Variants in NIPSNAP1 observed in about 807,000 individuals in gnomAD.
The protein encoded by NIPSNAP1 is nipsnap homolog 1.
In NIPSNAP1, 25 loss-of-function variants were observed where a neutral mutation model predicts 49.2. The observed-to-expected ratio is 0.51, with a 90% confidence interval of 0.37 to 0.71. NIPSNAP1 has a LOEUF of 0.71. Ranked by LOEUF, NIPSNAP1 falls within the 30% of genes least tolerant of loss-of-function variation. The pLI is 0.00. For missense variants in NIPSNAP1, 294 were observed against 361.0 expected, an observed-to-expected ratio of 0.81 and a Z score of 1.50; for synonymous variants, 143 against 140.7, an observed-to-expected ratio of 1.02 and a Z score of -0.12.
intron 9 of NIPSNAP1, 48 bp from the exon 10 acceptor site, chr22:29,556,047 A>C: frequency 1.3e-6 from 2 of 1,513,506 alleles, no homozygotes; most frequent in Non-Finnish European, 1.8e-6. Context: ...AAGCAAGCCA[A>C]CAACCTCCCC....
intron 1 of NIPSNAP1, among the ~76,000 whole-genome samples, chr22:29,574,104 T>C (rs962462592): frequency 6.7e-6 from 1 of 148,720 alleles, no homozygotes; most frequent in East Asian, 2.0e-4. Context: ...TAAAAAAAGA[T>C]ACAAAATATT....
At chr22:29,573,257 G>C (rs539060372) in intron 1 of NIPSNAP1, among the ~76,000 whole-genome samples, 1 of 151,980 alleles carries the variant, frequency 6.6e-6, no homozygotes, top group Non-Finnish European at 1.5e-5. Flanking sequence ...GGATGGTCTC[G>C]ATCTCTCGAC....
At chr22:29,580,633 T>G (rs568770010) in intron 1 of NIPSNAP1, among the ~76,000 whole-genome samples, 1 of 152,196 alleles carries the variant, frequency 6.6e-6, no homozygotes, top group East Asian at 1.9e-4. Flanking sequence ...ACGGAGGAGC[T>G]GACTACCAGA....
chr22:29,562,472 G>T (rs2064342300), intron 4 of NIPSNAP1, among the ~76,000 whole-genome samples: 1 of 152,154 alleles, frequency 6.6e-6, no homozygotes, highest in African/African-American at 2.4e-5. Flanking sequence ...CCAGCATTTT[G>T]CGGGGCTGAG....
chr22:29,567,613 G>A (rs1301344870), intron 4 of NIPSNAP1, among the ~76,000 whole-genome samples: 1 of 152,104 alleles, frequency 6.6e-6, no homozygotes, highest in Non-Finnish European at 1.5e-5. Context: ...AGCACTTTGG[G>A]AGGCCAAAGT....
In NIPSNAP1 at chr22:29,562,509, T is replaced by C. The variant is rs5763334; in HGVS notation, c.368-647A>G. 5.2e-3 allele frequency among the ~76,000 whole-genome samples: 796 copies of C among 152,136 alleles called. 27 individuals are homozygous for C. In the East Asian group the frequency reaches 0.1, roughly 19 times the overall value. On this transcript the variant is annotated intron_variant, in intron 4 of 9. Coordinates refer to ENST00000216121, the MANE Select transcript of NIPSNAP1 (RefSeq NM_003634.4). The stretch of plus-strand genomic sequence containing the variant: ...TGGGTGGAGACCAGCCTGACCAACA[T>C]GGAAAAACCCCATCTCTACTAAAAA...
chr22:29,560,453 G>T (rs1477868836), intron 8 of NIPSNAP1, among the ~76,000 whole-genome samples: 5 of 152,004 alleles, frequency 3.3e-5, no homozygotes, highest in African/African-American at 4.8e-5. Flanking sequence ...TCACCATATT[G>T]GCCAGGATGG....
At chr22:29,580,379 C>G (rs907911501) in intron 1 of NIPSNAP1, 1 of 607,820 alleles carries the variant, frequency 1.6e-6, no homozygotes, top group African/African-American at 2.0e-5. Flanking sequence ...CCCAGCCAGA[C>G]TCCCACTCCC....
intron 1 of NIPSNAP1, among the ~76,000 whole-genome samples, chr22:29,576,208 C>CG (rs1395173438): frequency 6.7e-6 from 1 of 148,806 alleles, no homozygotes; most frequent in Admixed American, 6.7e-5. Context: ...TTAGTAGAGA[C>CG]GGGGTTTCAC....
chr22:29,555,784 T>G lies in NIPSNAP1; in HGVS notation c.*151A>C. 1 of 734,194 alleles carries G rather than the reference T, an allele frequency of 1.4e-6. No homozygotes were observed. The highest frequency in any genetic ancestry group is 2.5e-6 in the Non-Finnish European group (1 of 407,268). The allele number at this position is 734,194 out of a possible 1,614,324, so 45.5% of individuals were successfully genotyped here. Reference sequence around the variant, plus strand: ...GCAGAGCTGTAATCCTCAGAACTTGTCAGCCTTCAGTTCCCCCTTGTCTGA... The same window carrying G: ...GCAGAGCTGTAATCCTCAGAACTTGGCAGCCTTCAGTTCCCCCTTGTCTGA... On this transcript the variant is annotated 3_prime_UTR_variant, in exon 10 of 10. Coordinates refer to ENST00000216121, the MANE Select transcript of NIPSNAP1 (RefSeq NM_003634.4).
At chr22:29,557,995 G>A (rs1360688049) in intron 9 of NIPSNAP1, among the ~76,000 whole-genome samples, 1 of 152,190 alleles carries the variant, frequency 6.6e-6, no homozygotes, top group Non-Finnish European at 1.5e-5. Flanking sequence ...GGGCACAGTA[G>A]CTCATGCCTA....
intron 1 of NIPSNAP1, among the ~76,000 whole-genome samples, chr22:29,571,277 C>CAGT: frequency 6.6e-6 from 1 of 152,284 alleles, no homozygotes; most frequent in East Asian, 1.9e-4. Context: ...AGACTCTCTA[C>CAGT]AGAGGAGGAG....
chr22:29,579,397 C>T (rs891002742), intron 1 of NIPSNAP1, among the ~76,000 whole-genome samples: 2 of 150,274 alleles, frequency 1.3e-5, no homozygotes, highest in Non-Finnish European at 2.9e-5. Context: ...CCTGGGTTCA[C>T]GCCATTCTCC....
chr22:29,561,709 C>T, intron 5 of NIPSNAP1, 63 bp from the exon 6 acceptor site: 1 of 1,613,984 alleles, frequency 6.2e-7, no homozygotes, highest in South Asian at 1.1e-5. Flanking sequence ...CAGTGTGCCT[C>T]ATGGGGTAGC....
intron 1 of NIPSNAP1, among the ~76,000 whole-genome samples, chr22:29,572,387 C>T (rs942253198): frequency 2.0e-5 from 3 of 150,698 alleles, no homozygotes; most frequent in Admixed American, 6.6e-5. Flanking sequence ...GCCATTGGGA[C>T]GGATAAAATC....
intron 9 of NIPSNAP1, among the ~76,000 whole-genome samples, chr22:29,556,532 A>C (rs1021795272): frequency 1.3e-5 from 2 of 152,050 alleles, no homozygotes; most frequent in Admixed American, 6.6e-5. Context: ...CTCAAAAAAA[A>C]AGAAAAGAAA....
chr22:29,562,797 T>A (rs1396108127), intron 4 of NIPSNAP1, among the ~76,000 whole-genome samples: 1 of 151,614 alleles, frequency 6.6e-6, no homozygotes, highest in Non-Finnish European at 1.5e-5. Context: ...CTTTGTACTG[T>A]TAGAATTTAT....
At chr22:29,558,355 G>A (rs2064310321) in intron 9 of NIPSNAP1, among the ~76,000 whole-genome samples, 1 of 152,098 alleles carries the variant, frequency 6.6e-6, no homozygotes, top group Non-Finnish European at 1.5e-5. Context: ...TGTAATCCCA[G>A]CTACTCGGGA....
chr22:29,578,524 T>C (rs1188113421), intron 1 of NIPSNAP1, among the ~76,000 whole-genome samples: 1 of 151,130 alleles, frequency 6.6e-6, no homozygotes, highest in Non-Finnish European at 1.5e-5. Context: ...AGCAGCCTCA[T>C]TGCCCCCAAA....
Sources: allele counts gnomAD v4.1 joint callset (sites outside exome capture counted in the v4.1 genomes callset), GRCh38; gene constraint gnomAD v4.1.1; transcripts MANE v1.5; gene names NCBI Gene and HGNC (gene_info 2026-07-23, HGNC 2026-07-21).